RIPOR2: variants seen among roughly 807,000 people sequenced by gnomAD.
The protein encoded by RIPOR2 is rho family-interacting cell polarization regulator 2.
RIPOR2 carries 39 observed loss-of-function variants against 114.5 expected under a neutral mutation model. The observed-to-expected ratio is 0.34, with a 90% confidence interval of 0.26 to 0.44. RIPOR2 has a LOEUF of 0.44. Ranked by LOEUF, RIPOR2 falls within the 20% of genes least tolerant of loss-of-function variation. RIPOR2 has a pLI of 1.00. For synonymous variants in RIPOR2, 445 were observed against 484.4 expected, an observed-to-expected ratio of 0.92 and a Z score of 1.07; for missense variants, 1,007 against 1,255.1, an observed-to-expected ratio of 0.80 and a Z score of 2.99.
chr6:24,906,375 C>T (rs1769001412), intron 1 of RIPOR2, among the ~76,000 whole-genome samples: 1 of 152,158 alleles, frequency 6.6e-6, no homozygotes, highest in Non-Finnish European at 1.5e-5. Flanking sequence ...TTCCATTTAC[C>T]TGTAATCTTA....
At chr6:24,839,674 G>A in intron 13 of RIPOR2, 1 of 1,525,246 alleles carries the variant, frequency 6.6e-7, no homozygotes, top group African/African-American at 1.4e-5. Context: ...CAACCACAAA[G>A]CCTTGGGAAA....
chr6:25,014,543 T>TAATC (rs1305121672), intron 1 of RIPOR2, among the ~76,000 whole-genome samples: 1 of 152,198 alleles, frequency 6.6e-6, no homozygotes, highest in Non-Finnish European at 1.5e-5. Flanking sequence ...GAACCACAGA[T>TAATC]AATCCCCACA....
At chr6:25,009,133 G>A (rs575859417) in intron 1 of RIPOR2, among the ~76,000 whole-genome samples, 2 of 152,336 alleles carry the variant, frequency 1.3e-5, no homozygotes, top group South Asian at 2.1e-4. Context: ...GCATGGGCGA[G>A]TGATGTTGGT....
At chr6:24,851,476 C>G (rs1051003675) in intron 9 of RIPOR2, among the ~76,000 whole-genome samples, 1 of 152,134 alleles carries the variant, frequency 6.6e-6, no homozygotes, top group Non-Finnish European at 1.5e-5. Context: ...CCAACATACT[C>G]TTGGGGGAAG....
intron 1 of RIPOR2, among the ~76,000 whole-genome samples, chr6:25,027,574 A>G (rs1776690853): frequency 1.3e-5 from 2 of 152,194 alleles, no homozygotes; most frequent in Non-Finnish European, 2.9e-5. Context: ...CAGGTGGCAC[A>G]CTCCGAGCAG....
intron 8 of RIPOR2, among the ~76,000 whole-genome samples, chr6:24,859,854 T>G (rs1763882133): frequency 6.6e-6 from 1 of 152,118 alleles, no homozygotes; most frequent in Non-Finnish European, 1.5e-5. Context: ...AGAAAGAAGG[T>G]GATTAAATCC....
chr6:24,976,248 A>C (rs1740140445), intron 1 of RIPOR2, among the ~76,000 whole-genome samples: 1 of 152,248 alleles, frequency 6.6e-6, no homozygotes, highest in African/African-American at 2.4e-5. Context: ...CAAATGTATG[A>C]CAATAAGGAA....
chr6:24,985,684 CT>C, intron 1 of RIPOR2, among the ~76,000 whole-genome samples: 1 of 152,238 alleles, frequency 6.6e-6, no homozygotes, highest in Non-Finnish European at 1.5e-5. Flanking sequence ...TGGGACCCCC[CT>C]AGACCCCTGG....
At chr6:24,966,494 T>C (rs1293071476) in intron 1 of RIPOR2, among the ~76,000 whole-genome samples, 3 of 152,232 alleles carry the variant, frequency 2.0e-5, no homozygotes, top group African/African-American at 7.2e-5. Context: ...ATGCCACGTG[T>C]TGGGTCCCTG....
chr6:24,852,101 A>G (rs897095201), intron 9 of RIPOR2, among the ~76,000 whole-genome samples: 4 of 151,962 alleles, frequency 2.6e-5, no homozygotes, highest in Non-Finnish European at 5.9e-5. Context: ...CTCTACTAAA[A>G]ATACAAAAAA....
At chr6:24,806,752 T>C (rs1388634793) in intron 21 of RIPOR2, among the ~76,000 whole-genome samples, 1 of 152,220 alleles carries the variant, frequency 6.6e-6, no homozygotes, top group Admixed American at 6.5e-5. Context: ...TGTTGATGAT[T>C]TCATATAATC....
chr6:24,957,115 G>C (rs1210829729), intron 1 of RIPOR2, among the ~76,000 whole-genome samples: 2 of 152,148 alleles, frequency 1.3e-5, no homozygotes, highest in Admixed American at 6.5e-5. Context: ...TGGTACATTT[G>C]CTTAATTAAT....
rs1554130548 is a variant in RIPOR2, at chr6:25,005,737, A to ATATATATATG, written c.76+36113_76+36114insCATATATATA. 9.2e-5 allele frequency among the ~76,000 whole-genome samples: 11 copies of ATATATATATG among 120,144 alleles called. 2 individuals carry two copies. Among genetic ancestry groups the ATATATATATG allele is most frequent in the Non-Finnish European group, 1.1e-4 (6 of 55,424 alleles). The allele number at this position is 120,144 out of a possible 152,430, so 78.8% of individuals were successfully genotyped here. A position where few individuals can be genotyped will look rare whatever the true frequency, so the allele number is the denominator to read the frequency against. On this transcript the variant is annotated intron_variant, in intron 1 of 13. Transcript: ENST00000510784. ...TATATATATATATATATATATATAT[A>ATATATATATG]TATACATTTACCGATCAAAAGATAT...
Position 24,886,786 on chromosome 6 carries a change from C to G in RIPOR2, c.62-10969G>C, listed in dbSNP as rs149302575. On this transcript the variant is annotated intron_variant, in intron 1 of 21. Transcript: ENST00000643898. Reference sequence around the variant, plus strand: ...GGCCAGTTTCTCCTACGGAAAGTTACTATCTTTGCCTTTCTAGTTGATACA... The same window carrying G: ...GGCCAGTTTCTCCTACGGAAAGTTAGTATCTTTGCCTTTCTAGTTGATACA... Among the ~76,000 whole-genome samples, 4 of 152,302 alleles carry G rather than the reference C, an allele frequency of 2.6e-5. No individual in the cohort carries two copies. In the East Asian group the frequency reaches 7.7e-4, roughly 29 times the overall value.
intron 12 of RIPOR2, among the ~76,000 whole-genome samples, chr6:24,844,077 T>C (rs1327643257): frequency 2.0e-5 from 3 of 152,210 alleles, no homozygotes; most frequent in Admixed American, 6.5e-5. Flanking sequence ...CTCTGGAAAA[T>C]GTTTTATTAA....
At chr6:24,859,801 C>CA (rs767242792) in intron 8 of RIPOR2, among the ~76,000 whole-genome samples, 1 of 151,496 alleles carries the variant, frequency 6.6e-6, no homozygotes, top group Non-Finnish European at 1.5e-5. Flanking sequence ...CGAGCCCTTT[C>CA]AAAAAAAAGT....
At chr6:24,941,734 T>G (rs1273624000) in intron 1 of RIPOR2, among the ~76,000 whole-genome samples, 1 of 152,218 alleles carries the variant, frequency 6.6e-6, no homozygotes, top group Middle Eastern at 3.2e-3. Context: ...CTCTCAGGGT[T>G]TGGCAACATT....
At chr6:25,019,253 A>T (rs180889379) in intron 1 of RIPOR2, among the ~76,000 whole-genome samples, 64 of 152,298 alleles carry the variant, frequency 4.2e-4, no homozygotes, top group Middle Eastern at 3.4e-3. Flanking sequence ...AAATACTCTA[A>T]TATGTGGCAT....
chr6:25,005,738 T>TATATATATATATATATATACAC lies in RIPOR2; in HGVS notation c.76+36112_76+36113insGTGTATATATATATATATATAT, dbSNP rs34572978. 2.0e-4 allele frequency among the ~76,000 whole-genome samples: 14 copies of TATATATATATATATATATACAC among 70,700 alleles called. 1 individual carries two copies. The highest frequency in any genetic ancestry group is 3.0e-4 in the Non-Finnish European group (9 of 30,024). The allele number at this position is 70,700 out of a possible 152,430, so 46.4% of individuals were successfully genotyped here. A position where few individuals can be genotyped will look rare whatever the true frequency, so the allele number is the denominator to read the frequency against. ...ATATATATATATATATATATATATA[T>TATATATATATATATATATACAC]ATACATTTACCGATCAAAAGATATG... On this transcript the variant is annotated intron_variant, in intron 1 of 13. Coordinates refer to the RIPOR2 transcript ENST00000510784.
Sources: gnomAD v4.1 joint callset for allele counts (sites outside exome capture counted in the v4.1 genomes callset) on GRCh38, gnomAD v4.1.1 for gene constraint, MANE v1.5 for transcripts, NCBI Gene and HGNC (gene_info 2026-07-23, HGNC 2026-07-21) for gene names.